Variants in SUGCT observed in about 807,000 individuals in gnomAD.
The protein encoded by SUGCT is succinyl-CoA:glutarate-CoA transferase.
SUGCT carries 41 observed loss-of-function variants against 55.0 expected under a neutral mutation model. That is an observed-to-expected ratio of 0.74 (90% CI 0.58 to 0.97). The LOEUF is 0.97. SUGCT is among the 50% of genes least tolerant of loss of function. The pLI is 0.00. For missense variants in SUGCT, 568 were observed against 547.8 expected, an observed-to-expected ratio of 1.04 and a Z score of -0.37; for synonymous variants, 187 against 200.4, an observed-to-expected ratio of 0.93 and a Z score of 0.56.
chr7:40,557,850 A>G (rs1795636348), intron 12 of SUGCT, among the ~76,000 whole-genome samples: 1 of 152,072 alleles, frequency 6.6e-6, no homozygotes, highest in Non-Finnish European at 1.5e-5. Flanking sequence ...AAATATTTGT[A>G]AATTACACAT....
intron 6 of SUGCT, among the ~76,000 whole-genome samples, chr7:40,226,929 T>C (rs960389792): frequency 2.0e-5 from 3 of 151,388 alleles, no homozygotes; most frequent in African/African-American, 7.3e-5. Context: ...AACAAAAAAT[T>C]TATTAAATAA....
chr7:40,402,881 G>T (rs1488322297), intron 9 of SUGCT, among the ~76,000 whole-genome samples: 3 of 152,128 alleles, frequency 2.0e-5, no homozygotes, highest in African/African-American at 7.2e-5. Flanking sequence ...ATTTATGTGT[G>T]GTTTTAGTGA....
chr7:40,782,435 C>A (rs1789801545), intron 13 of SUGCT, among the ~76,000 whole-genome samples: 1 of 151,954 alleles, frequency 6.6e-6, no homozygotes, highest in African/African-American at 2.4e-5. Flanking sequence ...CAGTTTATTT[C>A]TATTATTATC....
the SUGCT span, among the ~76,000 whole-genome samples, chr7:40,941,704 C>T: frequency 8.1e-4 from 123 of 152,188 alleles, no homozygotes; most frequent in African/African-American, 2.7e-3. Flanking sequence ...CTGCCTATCA[C>T]TTTGCTTAGG....
intron 12 of SUGCT, among the ~76,000 whole-genome samples, chr7:40,636,262 A>G (rs114642050): frequency 6.6e-6 from 1 of 152,286 alleles, no homozygotes; most frequent in African/African-American, 2.4e-5. Context: ...CTAGTGGTTG[A>G]TGCTGGCTGT....
intron 8 of SUGCT, among the ~76,000 whole-genome samples, chr7:40,310,597 A>G (rs1232058111): frequency 6.6e-6 from 1 of 152,194 alleles, no homozygotes; most frequent in Non-Finnish European, 1.5e-5. Flanking sequence ...GTAGATGGGA[A>G]TTCTCTGTAC....
chr7:40,562,415 G>A (rs1583987745), intron 12 of SUGCT, among the ~76,000 whole-genome samples: 1 of 152,140 alleles, frequency 6.6e-6, no homozygotes, highest in East Asian at 1.9e-4. Context: ...AATGGTGTAG[G>A]ATGCTGGTGT....
the SUGCT span, among the ~76,000 whole-genome samples, chr7:41,001,844 T>C: frequency 6.6e-6 from 1 of 152,310 alleles, no homozygotes; most frequent in South Asian, 2.1e-4. Context: ...CTAACAGGGA[T>C]GTAGCCTCCA....
chr7:40,354,593 G>C (rs1797800892), intron 9 of SUGCT, among the ~76,000 whole-genome samples: 1 of 152,192 alleles, frequency 6.6e-6, no homozygotes, highest in South Asian at 2.1e-4. Flanking sequence ...TGCGGTCACT[G>C]TCAAGAGCAC....
chr7:40,181,029 TTGGG>T, intron 2 of SUGCT, 31 bp downstream of exon 2: 1 of 1,536,556 alleles, frequency 6.5e-7, no homozygotes, highest in Non-Finnish European at 9.0e-7. Context: ...ATTTTGGTGA[TTGGG>T]TTTTTCCCTT....
chr7:40,690,185 A>G (rs1784632582), intron 12 of SUGCT, among the ~76,000 whole-genome samples: 1 of 152,208 alleles, frequency 6.6e-6, no homozygotes. Context: ...GATATGGGCC[A>G]AGATGGTAAA....
chr7:40,822,192 T>G (rs1220321015), intron 13 of SUGCT, among the ~76,000 whole-genome samples: 2 of 152,106 alleles, frequency 1.3e-5, no homozygotes, highest in Non-Finnish European at 2.9e-5. Context: ...GACTATGTGG[T>G]CAATTTTGTA....
chr7:40,941,709 C>T, the SUGCT span, among the ~76,000 whole-genome samples: 1 of 152,034 alleles, frequency 6.6e-6, no homozygotes, highest in Non-Finnish European at 1.5e-5. Context: ...TATCACTTTG[C>T]TTAGGTCTAG....
At chr7:40,426,977 T>C (rs1272462056) in intron 9 of SUGCT, among the ~76,000 whole-genome samples, 1 of 151,980 alleles carries the variant, frequency 6.6e-6, no homozygotes, top group Non-Finnish European at 1.5e-5. Flanking sequence ...ATGCAGCTAA[T>C]TTTTAAACAT....
At chr7:40,381,920 T>C (rs185953107) in intron 9 of SUGCT, among the ~76,000 whole-genome samples, 22 of 152,020 alleles carry the variant, frequency 1.4e-4, no homozygotes, top group East Asian at 1.4e-3. Flanking sequence ...TCAGGTGGAG[T>C]TGATAAATTT....
intron 8 of SUGCT, among the ~76,000 whole-genome samples, chr7:40,287,376 T>C (rs751199969): frequency 6.6e-6 from 1 of 152,162 alleles, no homozygotes; most frequent in Admixed American, 6.6e-5. Context: ...TGGACAGAAA[T>C]CCAGTACAAT....
the SUGCT span, among the ~76,000 whole-genome samples, chr7:40,866,621 C>G: frequency 6.6e-6 from 1 of 151,630 alleles, no homozygotes; most frequent in Non-Finnish European, 1.5e-5. Context: ...AGACTGAAGC[C>G]CCCATTCTCA....
the SUGCT span, among the ~76,000 whole-genome samples, chr7:40,940,006 C>G: frequency 7.9e-5 from 12 of 152,008 alleles, no homozygotes; most frequent in African/African-American, 2.4e-4. Context: ...TTTATGGTTT[C>G]AGGTCTTAGA....
chr7:40,805,216 A>G (rs138964433), intron 13 of SUGCT, among the ~76,000 whole-genome samples: 1 of 152,300 alleles, frequency 6.6e-6, no homozygotes, highest in African/African-American at 2.4e-5. Flanking sequence ...CTAAAGGCAC[A>G]TGAATCCAAC....
Sources: gnomAD v4.1 joint callset for allele counts (sites outside exome capture counted in the v4.1 genomes callset) on GRCh38, gnomAD v4.1.1 for gene constraint, MANE v1.5 for transcripts, NCBI Gene and HGNC (gene_info 2026-07-23, HGNC 2026-07-21) for gene names.